NDFIP2: variants seen among roughly 807,000 people sequenced by gnomAD.
NDFIP2 encodes the protein Nedd4 family interacting protein 2.
A neutral mutation model predicts 36.0 loss-of-function variants in NDFIP2; 19 were observed. The ratio of observed to expected loss-of-function variants is 0.53; its 90% CI spans 0.37 to 0.77. NDFIP2 has a LOEUF of 0.77. Among genes scored for constraint, NDFIP2 ranks in the 30% least tolerant of loss-of-function variants. The probability of loss-of-function intolerance (pLI) is 0.00; values close to 1 mark genes in which losing one functional copy is unlikely to be tolerated. For synonymous variants in NDFIP2, 181 were observed against 167.7 expected (o/e 1.08, Z -0.61); for missense variants, 446 against 435.8 (o/e 1.02, Z -0.21).
At position 79,539,021 on chromosome 13, in the gene NDFIP2, G is replaced by A. The variant is rs536779750; in HGVS notation, c.622-661G>A. 3.9e-4 allele frequency among the ~76,000 whole-genome samples: 59 copies of A among 152,220 alleles called. No homozygotes were observed. In the South Asian group the frequency reaches 0.01, roughly 26 times the overall value. ...GCTTGAGGGACTGGCATCGAATGCC[G>A]GCAGCTTTTCCAGAAAAAAGGCCAC... On this transcript the variant is annotated intron_variant, in intron 3 of 7. Transcript: ENST00000218652.
At chr13:79,551,454 A>G (rs1875906966) in intron 7 of NDFIP2, among the ~76,000 whole-genome samples, 1 of 151,508 alleles carries the variant, frequency 6.6e-6, no homozygotes, top group African/African-American at 2.4e-5. Flanking sequence ...TGAAGGCTTG[A>G]AAAAACAAAA....
chr13:79,526,203 G>A (rs1490891309), intron 2 of NDFIP2, among the ~76,000 whole-genome samples: 1 of 152,120 alleles, frequency 6.6e-6, no homozygotes, highest in African/African-American at 2.4e-5. Flanking sequence ...AAGGGGTTAA[G>A]AATGATGCCC....
chr13:79,509,686 T>TAGAGAGAGAGAG (rs145822478), intron 1 of NDFIP2, among the ~76,000 whole-genome samples: 253 of 110,924 alleles, frequency 2.3e-3, no homozygotes, highest in South Asian at 5.0e-3. Flanking sequence ...GATATATATA[T>TAGAGAGAGAGAG]ATATAGAGAG....
intron 4 of NDFIP2, among the ~76,000 whole-genome samples, chr13:79,540,233 T>C (rs1386108861): frequency 1.3e-5 from 2 of 152,198 alleles, no homozygotes; most frequent in Non-Finnish European, 2.9e-5. Flanking sequence ...CAGACAGTTA[T>C]GAAAGTATAA....
chr13:79,526,087 C>T (rs1322347312), intron 2 of NDFIP2, among the ~76,000 whole-genome samples: 1 of 152,072 alleles, frequency 6.6e-6, no homozygotes, highest in Non-Finnish European at 1.5e-5. Context: ...ACAGGAGATG[C>T]TGGTAGTATG....
chr13:79,481,430 G>A lies in NDFIP2; in HGVS notation c.227G>A (p.Gly76Glu). ...ATTSSTGVAV[G>E]AEHGEDSLSR... ...ACGTCGTCGACGGGGGTGGCCGTGGGAGCTGAGCACGGAGAAGACTCCCTC... is the reference window on the plus strand; with the variant it reads ...ACGTCGTCGACGGGGGTGGCCGTGGAAGCTGAGCACGGAGAAGACTCCCTC... Residue 76 changes from glycine to glutamate, a missense_variant, in exon 1 of 8, where the codon GGA (glycine) becomes GAA (glutamate). Gly to Glu is a moderately conservative substitution (Grantham distance 98). This residue lies in a region of NDFIP2 where 369 missense variants were observed against 304.8 expected (regional missense o/e 1.21). Transcript: ENST00000218652. The A allele has an allele frequency of 6.4e-7, 1 of 1,560,648 alleles. No homozygotes were observed. The highest frequency in any genetic ancestry group is 8.7e-7 in the Non-Finnish European group (1 of 1,152,078).
At chr13:79,495,429 A>G (rs911943453) in intron 1 of NDFIP2, among the ~76,000 whole-genome samples, 5 of 151,864 alleles carry the variant, frequency 3.3e-5, no homozygotes, top group South Asian at 2.1e-4. Flanking sequence ...CTTCAAGTCT[A>G]TTTTACATGA....
At position 79,556,043 on chromosome 13, in the gene NDFIP2, T is replaced by C. The variant is rs1411127012; in HGVS notation, c.*3530T>C. 1 of 152,184 alleles carries C rather than the reference T, an allele frequency of 6.6e-6. No homozygotes were observed. The highest frequency in any genetic ancestry group is 1.5e-5 in the Non-Finnish European group (1 of 68,008). The allele number at this position is 152,184 out of a possible 1,614,324, so 9.4% of individuals were successfully genotyped here. A position where few individuals can be genotyped will look rare whatever the true frequency, so the allele number is the denominator to read the frequency against. ...TGTCAGGAGACAGATTGTGGTTTAA[T>C]TTTAATAAACAAAATATCATCTTTT... On this transcript the variant is annotated 3_prime_UTR_variant, in exon 8 of 8. Transcript: ENST00000218652.
intron 1 of NDFIP2, among the ~76,000 whole-genome samples, chr13:79,491,714 A>G (rs150061610): frequency 6.6e-6 from 1 of 152,246 alleles, no homozygotes; most frequent in African/African-American, 2.4e-5. Flanking sequence ...TTAACTGTGG[A>G]ATGGTATGGA....
intron 1 of NDFIP2, among the ~76,000 whole-genome samples, chr13:79,510,738 C>T (rs546168514): frequency 1.7e-4 from 26 of 152,188 alleles, no homozygotes; most frequent in Admixed American, 1.2e-3. Context: ...TGCTTGTAAG[C>T]TTGCAATCCC....
At chr13:79,492,638 G>A (rs953714294) in intron 1 of NDFIP2, among the ~76,000 whole-genome samples, 1 of 151,852 alleles carries the variant, frequency 6.6e-6, no homozygotes, top group Non-Finnish European at 1.5e-5. Flanking sequence ...TTTCTGCCTT[G>A]GCTTCCCAAA....
chr13:79,507,984 G>C (rs1396850502), intron 1 of NDFIP2, among the ~76,000 whole-genome samples: 1 of 151,882 alleles, frequency 6.6e-6, no homozygotes, highest in Non-Finnish European at 1.5e-5. Context: ...TTATTATAAT[G>C]TATATTTTAG....
intron 4 of NDFIP2, among the ~76,000 whole-genome samples, chr13:79,542,777 A>G (rs1182610618): frequency 6.6e-6 from 1 of 152,172 alleles, no homozygotes; most frequent in African/African-American, 2.4e-5. Context: ...TACATAGCAT[A>G]AGTAAATTCA....
intron 4 of NDFIP2, among the ~76,000 whole-genome samples, chr13:79,540,555 T>C (rs1875415062): frequency 1.3e-5 from 2 of 152,216 alleles, no homozygotes; most frequent in Non-Finnish European, 2.9e-5. Context: ...AAGCTTTCAT[T>C]CTTGGATAGA....
At chr13:79,495,145 A>T (rs190934005) in intron 1 of NDFIP2, among the ~76,000 whole-genome samples, 1 of 151,932 alleles carries the variant, frequency 6.6e-6, no homozygotes, top group African/African-American at 2.4e-5. Flanking sequence ...TTTATGGGCT[A>T]ATATATCCAA....
At chr13:79,546,081 C>T (rs118057644) in intron 5 of NDFIP2, among the ~76,000 whole-genome samples, 1 of 152,260 alleles carries the variant, frequency 6.6e-6, no homozygotes, top group East Asian at 1.9e-4. Flanking sequence ...AATTCATTGC[C>T]TATTTTCCTA....
In NDFIP2 at chr13:79,554,785, T is replaced by A. The variant is rs1178956315; in HGVS notation, c.*2272T>A. The A allele has an allele frequency of 6.6e-6, 1 of 151,946 alleles. No homozygotes were observed. The highest frequency in any genetic ancestry group is 1.5e-5 in the Non-Finnish European group (1 of 67,842). 9.4% of individuals were successfully genotyped at this position (151,946 alleles called of 1,614,324 possible). Reference sequence around the variant, plus strand: ...GCCTTAAAGATTGAAAAATCAAAACTCTTGTTAGGGTATCTAAACATTTTT... The same window carrying A: ...GCCTTAAAGATTGAAAAATCAAAACACTTGTTAGGGTATCTAAACATTTTT... On this transcript the variant is annotated 3_prime_UTR_variant, in exon 8 of 8. Transcript: ENST00000218652.
chr13:79,515,437 C>T (rs1013512531), intron 1 of NDFIP2, among the ~76,000 whole-genome samples: 2 of 152,160 alleles, frequency 1.3e-5, no homozygotes, highest in African/African-American at 4.8e-5. Context: ...GCAGCTTTTA[C>T]ATTAATATTT....
At chr13:79,541,450 A>C (rs1875453080) in intron 4 of NDFIP2, among the ~76,000 whole-genome samples, 1 of 151,306 alleles carries the variant, frequency 6.6e-6, no homozygotes, top group Non-Finnish European at 1.5e-5. Context: ...ATTTTACTAA[A>C]TTTTTACTAA....
Sources: gnomAD v4.1 joint callset for allele counts (sites outside exome capture counted in the v4.1 genomes callset) on GRCh38, gnomAD v4.1.1 for gene constraint, gnomAD v4.1.1 regional missense constraint, MANE v1.5 for transcripts, NCBI Gene and HGNC (gene_info 2026-07-23, HGNC 2026-07-21) for gene names.